The following MYO3B variants were observed in gnomAD, a reference collection of about 807,000 sequenced individuals.
The protein encoded by MYO3B is myosin-IIIb.
A neutral mutation model predicts 174.6 loss-of-function variants in MYO3B; 156 were observed. The observed-to-expected ratio is 0.89, with a 90% CI of 0.78 to 1.02. The LOEUF is 1.02. Ranked by LOEUF, MYO3B falls within the 50% of genes least tolerant of loss-of-function variation. The probability of loss-of-function intolerance (pLI) is 0.00; values close to 1 mark genes in which losing one functional copy is unlikely to be tolerated. For missense variants in MYO3B, 1,632 were observed against 1,639.4 expected (o/e 1.00, Z 0.08); for synonymous variants, 563 against 569.1 (o/e 0.99, Z 0.15).
At chr2:170,383,007 C>A in intron 10 of MYO3B, 66 bp from the exon 11 acceptor site, 2 of 1,012,108 alleles carry the variant, frequency 2.0e-6, no homozygotes, top group African/African-American at 1.6e-5. Flanking sequence ...AATTTGTTGT[C>A]ATTTTTAGAA....
chr2:170,433,837 A>G (rs888523417), intron 22 of MYO3B, among the ~76,000 whole-genome samples: 4 of 152,192 alleles, frequency 2.6e-5, no homozygotes, highest in Non-Finnish European at 4.4e-5. Flanking sequence ...TTTTCTTACA[A>G]TATATCCCTG....
chr2:170,329,676 G>A (rs2105520517), intron 7 of MYO3B, among the ~76,000 whole-genome samples: 1 of 152,060 alleles, frequency 6.6e-6, no homozygotes, highest in Non-Finnish European at 1.5e-5. Context: ...TTACAGGGGT[G>A]AGCCACCATG....
intron 32 of MYO3B, among the ~76,000 whole-genome samples, chr2:170,576,212 A>T (rs1212291263): frequency 2.6e-5 from 4 of 152,260 alleles, no homozygotes; most frequent in African/African-American, 9.6e-5. Flanking sequence ...GCTGAGGAAC[A>T]GAGAGAAGAT....
In MYO3B at chr2:170,654,518, C is replaced by T. The variant is rs1029359146; in HGVS notation, c.*1397C>T. 2 of 151,828 alleles carry T rather than the reference C, an allele frequency of 1.3e-5. No individual in the cohort carries two copies. Among genetic ancestry groups the T allele is most frequent in the Non-Finnish European group, 2.9e-5 (2 of 67,950 alleles). The allele number at this position is 151,828 out of a possible 1,614,324, so 9.4% of individuals were successfully genotyped here. ...CAAAAATTAGCCCAGCATGGTGGTG[C>T]ATACCTGTAATCCCAGCTACTCAGG... On this transcript the variant is annotated 3_prime_UTR_variant, in exon 35 of 35. Transcript: ENST00000408978.
rs564394629 is a variant in MYO3B, at chr2:170,387,054, G to A, written c.1375-52G>A. The A allele has an allele frequency of 6.9e-5, 110 of 1,585,562 alleles. No homozygotes were observed. The African/African-American group carries it at 1.2e-3, about 17-fold the overall frequency. On this transcript the variant is annotated intron_variant, in intron 13 of 34. Transcript: ENST00000408978. The stretch of plus-strand genomic sequence containing the variant: ...GCAAGGGATGGTGCCTGGCAACTTT[G>A]CTGGTGTAATGTTTCTGGAGTCTCT...
chr2:170,522,210 A>G (rs544294166), intron 30 of MYO3B, among the ~76,000 whole-genome samples: 147 of 152,178 alleles, frequency 9.7e-4, no homozygotes, highest in South Asian at 2.9e-3. Context: ...CACGAGTCGC[A>G]AGTCTCTGTT....
chr2:170,390,524 C>T (rs944170433), intron 14 of MYO3B, among the ~76,000 whole-genome samples: 1 of 152,164 alleles, frequency 6.6e-6, no homozygotes, highest in African/African-American at 2.4e-5. Context: ...CACAGAAGGG[C>T]TTTGACAGGA....
intron 30 of MYO3B, among the ~76,000 whole-genome samples, chr2:170,535,852 A>G (rs1228541912): frequency 6.6e-6 from 1 of 152,104 alleles, no homozygotes; most frequent in Non-Finnish European, 1.5e-5. Context: ...TGTGGCCCTC[A>G]GCCCACGGCT....
chr2:170,443,159 G>A (rs1278095825), intron 22 of MYO3B, among the ~76,000 whole-genome samples: 1 of 152,146 alleles, frequency 6.6e-6, no homozygotes, highest in Non-Finnish European at 1.5e-5. Context: ...AGCACCTGTT[G>A]TTTCCTGACT....
chr2:170,578,763 C>T (rs528733264), intron 32 of MYO3B, among the ~76,000 whole-genome samples: 198 of 152,302 alleles, frequency 1.3e-3, no homozygotes, highest in Non-Finnish European at 2.4e-3. Context: ...TCTAAGTGAA[C>T]GGACGTCCGC....
intron 28 of MYO3B, among the ~76,000 whole-genome samples, chr2:170,508,102 A>G (rs553027753): frequency 6.6e-6 from 1 of 152,248 alleles, no homozygotes; most frequent in East Asian, 1.9e-4. Flanking sequence ...TATGCTTAAG[A>G]TGAAACTTTT....
At chr2:170,547,833 G>A (rs563695234) in intron 32 of MYO3B, among the ~76,000 whole-genome samples, 184 of 152,296 alleles carry the variant, frequency 1.2e-3, no homozygotes, top group Non-Finnish European at 1.9e-3. Flanking sequence ...TGGGATGTTA[G>A]AAGGGTGAAG....
rs1273061992 is a variant in MYO3B at position 170,404,326 on chromosome 2, A to G, written c.2357A>G (p.Gln786Arg). 6 of 1,614,024 alleles carry G rather than the reference A, an allele frequency of 3.7e-6. No individual in the cohort carries two copies. Among genetic ancestry groups the G allele is most frequent in the Non-Finnish European group, 5.1e-6 (6 of 1,179,936 alleles). ...CGCCCGCTCTTGGACATGTTCCTCC[A>G]GAAACCCCTGGGACTGCTTGCACTT... ...DNRPLLDMFL[Q>R]KPLGLLALLD... is the part of the protein sequence containing the mutation. The change falls in exon 20 of 35, where the codon CAG (glutamine) becomes CGG (arginine). Residue 786 changes from glutamine to arginine, a missense_variant. Transcript: ENST00000408978.
intron 22 of MYO3B, among the ~76,000 whole-genome samples, chr2:170,419,820 A>G (rs1447429827): frequency 6.6e-6 from 1 of 152,170 alleles, no homozygotes; most frequent in Admixed American, 6.5e-5. Flanking sequence ...TGAAAGCCAT[A>G]CATCCAGCCT....
At chr2:170,470,384 T>C (rs1026933795) in intron 25 of MYO3B, among the ~76,000 whole-genome samples, 1 of 152,154 alleles carries the variant, frequency 6.6e-6, no homozygotes, top group Non-Finnish European at 1.5e-5. Flanking sequence ...TTCTTTTACT[T>C]AGCATGTTTT....
chr2:170,268,980 A>G (rs1431811270), intron 7 of MYO3B, among the ~76,000 whole-genome samples: 1 of 152,240 alleles, frequency 6.6e-6, no homozygotes, highest in African/African-American at 2.4e-5. Flanking sequence ...GATTCAGGTA[A>G]GAAAAGTGCG....
intron 25 of MYO3B, among the ~76,000 whole-genome samples, chr2:170,473,245 C>A (rs1376096257): frequency 6.8e-6 from 1 of 146,572 alleles, no homozygotes; most frequent in African/African-American, 2.5e-5. Context: ...TGGATTCATG[C>A]CATTCTCCTA....
At chr2:170,553,196 G>A (rs1411966130) in intron 32 of MYO3B, among the ~76,000 whole-genome samples, 2 of 152,182 alleles carry the variant, frequency 1.3e-5, no homozygotes, top group East Asian at 3.9e-4. Context: ...GTGGAGCTTT[G>A]AGAAGAGGGT....
At chr2:170,316,699 T>C (rs1559381966) in intron 7 of MYO3B, among the ~76,000 whole-genome samples, 1 of 152,234 alleles carries the variant, frequency 6.6e-6, no homozygotes. Context: ...GTCCTTTTCC[T>C]AAGGCCAGAA....
Sources: allele counts gnomAD v4.1 joint callset (sites outside exome capture counted in the v4.1 genomes callset), GRCh38; gene constraint gnomAD v4.1.1; transcripts MANE v1.5; gene names NCBI Gene and HGNC (gene_info 2026-07-23, HGNC 2026-07-21).